Variants in PLA2R1 observed in about 807,000 individuals in gnomAD.
The protein encoded by PLA2R1 is phospholipase A2 receptor 1, also known as secretory phospholipase A2 receptor.
Under a neutral mutation model 195.9 loss-of-function variants are expected in PLA2R1, and 158 were observed. That is an observed-to-expected ratio of 0.81 (90% CI 0.71 to 0.92). The LOEUF is 0.92. PLA2R1 is among the 40% of genes least tolerant of loss of function. PLA2R1 has a pLI of 0.00. For synonymous variants in PLA2R1, 586 were observed against 598.2 expected (o/e 0.98, Z 0.30); for missense variants, 1,626 against 1,764.6 (o/e 0.92, Z 1.41).
chr2:160,048,798 A>T (rs1375314248), intron 1 of PLA2R1, among the ~76,000 whole-genome samples: 1 of 151,922 alleles, frequency 6.6e-6, no homozygotes, highest in Non-Finnish European at 1.5e-5. Context: ...CATAATTATA[A>T]GTTTAGGAGG....
chr2:160,034,625 G>GT (rs1437531437), intron 3 of PLA2R1, among the ~76,000 whole-genome samples: 1 of 152,196 alleles, frequency 6.6e-6, no homozygotes, highest in East Asian at 1.9e-4. Flanking sequence ...TGTGTTCATA[G>GT]TTTTGGCATG....
intron 6 of PLA2R1, among the ~76,000 whole-genome samples, chr2:160,027,561 C>A (rs377253086): frequency 6.6e-6 from 1 of 152,104 alleles, no homozygotes; most frequent in African/African-American, 2.4e-5. Context: ...GACAATTCAG[C>A]TTATTATTTT....
At chr2:160,016,546 T>C (rs1479873517) in intron 9 of PLA2R1, 68 bp downstream of exon 9, 1 of 768,480 alleles carries the variant, frequency 1.3e-6, no homozygotes. Context: ...TCACTTCAAA[T>C]TGATGGTGGA....
downstream of PLA2R1, among the ~76,000 whole-genome samples, chr2:159,927,033 A>G (rs1384215611): frequency 6.6e-6 from 1 of 152,156 alleles, no homozygotes; most frequent in African/African-American, 2.4e-5. Flanking sequence ...GGACCCAACC[A>G]AAACTAGAGG....
At chr2:159,956,478 A>G (rs1688092385) in intron 21 of PLA2R1, 32 bp downstream of exon 21, 1 of 1,113,836 alleles carries the variant, frequency 9.0e-7, no homozygotes, top group Admixed American at 1.7e-5. Flanking sequence ...AAAAATGGTT[A>G]TCTTGGCCTG....
chr2:160,056,935 C>T (rs1045531291), intron 1 of PLA2R1, among the ~76,000 whole-genome samples: 2 of 152,206 alleles, frequency 1.3e-5, no homozygotes, highest in African/African-American at 2.4e-5. Context: ...AGACATGTCA[C>T]TGCTTCTTGT....
intron 2 of PLA2R1, 26 bp downstream of exon 2, chr2:160,044,746 CCT>C (rs1430367075): frequency 1.3e-6 from 2 of 1,583,670 alleles, no homozygotes; most frequent in African/African-American, 2.7e-5. Context: ...AACACCATTC[CCT>C]GAGTGCTTCT....
chr2:160,046,259 TTCA>T (rs1277009171), intron 1 of PLA2R1, among the ~76,000 whole-genome samples: 1 of 152,198 alleles, frequency 6.6e-6, no homozygotes, highest in Non-Finnish European at 1.5e-5. Context: ...GTCACCTCAG[TTCA>T]TGTCTGGTGA....
At chr2:160,032,271 T>C (rs1325110582) in intron 4 of PLA2R1, among the ~76,000 whole-genome samples, 2 of 152,200 alleles carry the variant, frequency 1.3e-5, no homozygotes, top group Non-Finnish European at 2.9e-5. Flanking sequence ...TTGAAAAACA[T>C]TGGCATCAAA....
chr2:160,021,068 T>C (rs1693075369), intron 7 of PLA2R1, among the ~76,000 whole-genome samples: 1 of 152,122 alleles, frequency 6.6e-6, no homozygotes, highest in African/African-American at 2.4e-5. Context: ...GAAAAGGGCA[T>C]GAAACAAACA....
chr2:160,058,376 T>C (rs995570693), intron 1 of PLA2R1, among the ~76,000 whole-genome samples: 7 of 152,074 alleles, frequency 4.6e-5, no homozygotes, highest in African/African-American at 1.7e-4. Flanking sequence ...CCTCCTTTGA[T>C]CACTGGTCAT....
intron 14 of PLA2R1, among the ~76,000 whole-genome samples, chr2:159,978,450 G>T (rs1414044056): frequency 6.6e-6 from 1 of 152,146 alleles, no homozygotes; most frequent in Non-Finnish European, 1.5e-5. Flanking sequence ...AGAAAATGGT[G>T]TGATTTGAAT....
chr2:159,949,833 A>C (rs1034288906), intron 24 of PLA2R1, 57 bp from the exon 25 acceptor site: 1 of 1,402,100 alleles, frequency 7.1e-7, no homozygotes, highest in Non-Finnish European at 1.0e-6. Context: ...AGCATCACCC[A>C]GTGTTATCTG....
intron 25 of PLA2R1, among the ~76,000 whole-genome samples, chr2:159,949,331 A>G (rs1468583091): frequency 6.6e-6 from 1 of 152,068 alleles, no homozygotes; most frequent in African/African-American, 2.4e-5. Flanking sequence ...CCACCTATTT[A>G]TCAAGGCCCA....
intron 23 of PLA2R1, among the ~76,000 whole-genome samples, chr2:159,954,051 C>T (rs1687930074): frequency 6.6e-6 from 1 of 152,192 alleles, no homozygotes; most frequent in African/African-American, 2.4e-5. Context: ...TCAGGCTGGT[C>T]TTGAACTCCT....
chr2:159,957,364 A>G (rs1282306811), intron 20 of PLA2R1, among the ~76,000 whole-genome samples: 1 of 151,804 alleles, frequency 6.6e-6, no homozygotes, highest in Non-Finnish European at 1.5e-5. Context: ...TTCTTTTTAA[A>G]TTTTTTTTGA....
intron 3 of PLA2R1, among the ~76,000 whole-genome samples, chr2:160,036,806 T>G (rs1362856854): frequency 6.6e-6 from 1 of 152,224 alleles, no homozygotes; most frequent in Non-Finnish European, 1.5e-5. Context: ...TGTTGTTTAG[T>G]GTTCTCTCAA....
intron 1 of PLA2R1, among the ~76,000 whole-genome samples, chr2:160,054,051 T>A (rs1257665406): frequency 6.6e-6 from 1 of 152,206 alleles, no homozygotes; most frequent in South Asian, 2.1e-4. Context: ...AAAAAAGACC[T>A]TGGCAAACTA....
chr2:159,947,427 T>A lies in PLA2R1; in HGVS notation c.3842A>T (p.Lys1281Ile). 1 of 1,596,144 alleles carries A rather than the reference T, an allele frequency of 6.3e-7. No homozygotes were observed. Among genetic ancestry groups the A allele is most frequent in the East Asian group, 2.3e-5 (1 of 44,112 alleles). The stretch of plus-strand genomic sequence containing the variant: ...ATCACAAAAACAATTACCTTCCTTT[T>A]TGCAAAATTCATGAGCAGCCTCAAA... ...MSFEAAHEFC[K>I]KEGSNLLTIK... Residue 1281 changes from lysine (K) to isoleucine (I), a missense_variant, in exon 26 of 30, where the codon AAA becomes ATA. By Grantham distance (102) the Lys-to-Ile change is moderately radical. Transcript: ENST00000283243.
Sources: gnomAD v4.1 joint callset for allele counts (sites outside exome capture counted in the v4.1 genomes callset) on GRCh38, gnomAD v4.1.1 for gene constraint, MANE v1.5 for transcripts, NCBI Gene and HGNC (gene_info 2026-07-23, HGNC 2026-07-21) for gene names.